Variants in CACNA1B observed in about 807,000 individuals in gnomAD.
The protein encoded by CACNA1B is calcium voltage-gated channel subunit alpha1 B.
Under a neutral mutation model 247.2 loss-of-function variants are expected in CACNA1B, and 70 were observed. The observed-to-expected ratio is 0.28, with a 90% CI of 0.23 to 0.35. CACNA1B has a LOEUF of 0.35. Ranked by LOEUF, CACNA1B falls within the 10% of genes least tolerant of loss-of-function variation. The probability of loss-of-function intolerance (pLI) is 1.00; values close to 1 mark genes in which losing one functional copy is unlikely to be tolerated. For synonymous variants in CACNA1B, 1,231 were observed against 1,294.4 expected, an observed-to-expected ratio of 0.95 and a Z score of 1.05; for missense variants, 2,367 against 3,197.4, an observed-to-expected ratio of 0.74 and a Z score of 6.26.
rs769748260 is a variant in CACNA1B at position 138,120,294 on chromosome 9, C to T, written c.6160C>T (p.His2054Tyr). ...PSQASSHHHH[H>Y]RCHRRRDRKQ... ...CCAGGCGTCGTCGCACCACCACCACCACCGCTGCCACCGCCGCAGGGACAG... is the reference window on the plus strand; with the variant it reads ...CCAGGCGTCGTCGCACCACCACCACTACCGCTGCCACCGCCGCAGGGACAG... The change falls in exon 45 of 47, where the codon CAC (histidine) becomes TAC (tyrosine). Residue 2054 changes from histidine to tyrosine, a missense_variant. Coordinates refer to ENST00000371372, the MANE Select transcript of CACNA1B (RefSeq NM_000718.4). 14 of 1,562,724 alleles carry T rather than the reference C, an allele frequency of 9.0e-6. No homozygotes were observed. Among genetic ancestry groups the T allele is most frequent in the Non-Finnish European group, 1.1e-5 (13 of 1,156,360 alleles).
Position 137,971,831 on chromosome 9 carries a change from A to AC in CACNA1B, c.1543+243dup, listed in dbSNP as rs1271219875. Among the ~76,000 whole-genome samples the AC allele has an allele frequency of 6.6e-6, 1 of 151,828 alleles. No homozygotes were observed. The highest frequency in any genetic ancestry group is 1.5e-5 in the Non-Finnish European group (1 of 67,934). ...CAGAAAGCACAGCTGGATCTGCTAG[A>AC]CCCCTGTCCCTCAGCATAGTGTGAG... On this transcript the variant is annotated intron_variant, in intron 11 of 46. Transcript: ENST00000371372. The surrounding 1 kb of genome is among the most constrained non-coding windows in gnomAD (Gnocchi z 4.4).
At chr9:137,968,095 A>G (rs1958102421) in intron 10 of CACNA1B, among the ~76,000 whole-genome samples, 1 of 151,890 alleles carries the variant, frequency 6.6e-6, no homozygotes, top group African/African-American at 2.4e-5. Flanking sequence ...GTGTTGCTAT[A>G]CTTGGATCTC....
At chr9:137,995,122 C>T (rs1396741018) in intron 15 of CACNA1B, among the ~76,000 whole-genome samples, 4 of 151,228 alleles carry the variant, frequency 2.6e-5, no homozygotes. Context: ...GCAGAAGAAT[C>T]ACTTAAACTC....
intron 39 of CACNA1B, among the ~76,000 whole-genome samples, chr9:138,108,379 G>A (rs1297400722): frequency 6.6e-6 from 1 of 150,976 alleles, no homozygotes; most frequent in Admixed American, 6.6e-5. Flanking sequence ...AGTTTAGAGT[G>A]GAAAAACCTT....
Position 137,892,407 on chromosome 9 carries a change from C to T in CACNA1B, c.530+9524C>T, listed in dbSNP as rs1398550378. On this transcript the variant is annotated intron_variant, in intron 3 of 46. Transcript: ENST00000371372. ...GATGCAGGGCCAGGCCTGCGGGGTC[C>T]ACTGTGGCCATGTGGCTGTTGCTGG... 14 of 452,958 alleles carry T rather than the reference C, an allele frequency of 3.1e-5. No homozygotes were observed. The Admixed American group carries it at 3.3e-4, about 11-fold the overall frequency. 28.1% of individuals were successfully genotyped at this position (452,958 alleles called of 1,614,324 possible). A position where few individuals can be genotyped will look rare whatever the true frequency, so the allele number is the denominator to read the frequency against.
At chr9:138,049,094 G>A in intron 23 of CACNA1B, 115 bp from the exon 24 acceptor site, 1 of 738,220 alleles carries the variant, frequency 1.4e-6, no homozygotes, top group Non-Finnish European at 2.5e-6. Context: ...GGCTTAAGCA[G>A]TCTGCCTGCC....
chr9:138,023,105 T>C lies in CACNA1B; in HGVS notation c.2362T>C (p.Tyr788His). The part of the protein sequence containing the change: ...QNLRASCEAL[Y>H]SEMDPEERLR... ...CCTGCGGGCCAGCTGCGAGGCGCTG[T>C]ACAGCGAGATGGACCCCGAGGAGCG... Residue 788 changes from tyrosine to histidine, a missense_variant, in exon 19 of 47, where the codon TAC (tyrosine) becomes CAC (histidine). Tyr to His is a moderately conservative substitution (Grantham distance 83). Transcript: ENST00000371372. 1 of 1,534,330 alleles carries C rather than the reference T, an allele frequency of 6.5e-7. No individual in the cohort carries two copies. Among genetic ancestry groups the C allele is most frequent in the African/African-American group, 1.4e-5 (1 of 71,614 alleles).
At chr9:137,935,591 T>C (rs1957656703) in intron 6 of CACNA1B, among the ~76,000 whole-genome samples, 1 of 152,234 alleles carries the variant, frequency 6.6e-6, no homozygotes, top group South Asian at 2.1e-4. Context: ...TATAGTAGCA[T>C]GATTTATAAT....
At chr9:138,043,921 G>T in intron 21 of CACNA1B, 21 bp downstream of exon 21, 1 of 1,609,600 alleles carries the variant, frequency 6.2e-7, no homozygotes, top group South Asian at 1.1e-5. Context: ...TTGCCTGCTG[G>T]TGTGTGTGGC....
At position 137,967,247 on chromosome 9, in the gene CACNA1B, A is replaced by G. The variant is rs116548184; in HGVS notation, c.1334-4136A>G. 6.8e-3 allele frequency among the ~76,000 whole-genome samples: 1,031 copies of G among 152,188 alleles called. 15 individuals are homozygous for G. Among genetic ancestry groups the G allele is most frequent in the African/African-American group, 0.024 (990 of 41,534 alleles). ...TTTAGCATCTTTAGTACCAAGATGT[A>G]CTAGTTCCATCACTCAATTGGTCTA... On this transcript the variant is annotated intron_variant, in intron 10 of 46. Transcript: ENST00000371372.
In CACNA1B at chr9:137,892,302, TCTC is replaced by T. The variant is rs577306623; in HGVS notation, c.530+9425_530+9427del. On this transcript the variant is annotated intron_variant, in intron 3 of 46. Coordinates refer to ENST00000371372, the MANE Select transcript of CACNA1B (RefSeq NM_000718.4). ...GGCAGGATTGGTTTCTGGCGAGGCC[TCTC>T]CTCCTGGCTGGCAGATGACTGCCTT... is the stretch of plus-strand genomic sequence containing the variant. 5.3e-4 allele frequency: 240 copies of T among 456,742 alleles called. 1 individual carries two copies. Among genetic ancestry groups the T allele is most frequent in the African/African-American group, 4.1e-3 (206 of 50,212 alleles). 28.3% of individuals were successfully genotyped at this position (456,742 alleles called of 1,614,324 possible).
intron 3 of CACNA1B, chr9:137,892,162 A>T (rs1276318921): frequency 2.2e-6 from 1 of 456,692 alleles, no homozygotes; most frequent in Non-Finnish European, 4.4e-6. Flanking sequence ...CATTCCCTTG[A>T]ACGACTGGAC....
rs1296533692 is a variant in CACNA1B, at chr9:138,025,008, A to G, written c.3122A>G (p.His1041Arg). The G allele has an allele frequency of 6.3e-7, 1 of 1,599,918 alleles. No individual in the cohort carries two copies. The highest frequency in any genetic ancestry group is 1.1e-5 in the South Asian group (1 of 88,398). ...GGGACTGTGACTGTGGGTCCCATGC[A>G]CACACTGCCCAGCACCTGTCTCCAG... ...TSGTVTVGPM[H>R]TLPSTCLQKV... Residue 1041 changes from histidine to arginine, a missense_variant, in exon 20 of 47, where the codon CAC becomes CGC. Physicochemically the swap from His to Arg is conservative, Grantham distance 29 (BLOSUM62 0). Coordinates refer to ENST00000371372, the MANE Select transcript of CACNA1B (RefSeq NM_000718.4).
intron 34 of CACNA1B, among the ~76,000 whole-genome samples, chr9:138,074,459 T>C (rs916709530): frequency 6.6e-6 from 1 of 152,260 alleles, no homozygotes; most frequent in Non-Finnish European, 1.5e-5. Context: ...CAGGCTGGTA[T>C]TGAACTCCTG....
chr9:137,948,959 A>C (rs1221934194), intron 6 of CACNA1B, among the ~76,000 whole-genome samples: 1 of 121,134 alleles, frequency 8.3e-6, no homozygotes, highest in Non-Finnish European at 1.7e-5. Context: ...TGTGGCATGC[A>C]TGTGTATGGT....
chr9:137,948,211 C>T (rs981194124), intron 6 of CACNA1B, among the ~76,000 whole-genome samples: 2 of 152,124 alleles, frequency 1.3e-5, no homozygotes, highest in African/African-American at 4.8e-5. Context: ...GCACTCCTGA[C>T]CTCAGGTGAT....
At position 138,078,277 on chromosome 9, in the gene CACNA1B, G is replaced by C; in HGVS notation, c.5094+19G>C. The C allele has an allele frequency of 6.2e-7, 1 of 1,612,358 alleles. No homozygotes were observed. Among genetic ancestry groups the C allele is most frequent in the Non-Finnish European group, 8.5e-7 (1 of 1,178,660 alleles). Reference sequence around the variant, plus strand: ...CTTTCTGGTGAGTCCTGGGCACTGTGCCCCTCCCAGTGCCACGTCTTGTCT... The same window carrying C: ...CTTTCTGGTGAGTCCTGGGCACTGTCCCCCTCCCAGTGCCACGTCTTGTCT... On this transcript the variant is annotated intron_variant, in intron 36 of 46. Transcript: ENST00000371372.
intron 6 of CACNA1B, among the ~76,000 whole-genome samples, chr9:137,935,870 CA>C (rs1206943620): frequency 6.6e-6 from 1 of 151,670 alleles, no homozygotes; most frequent in Non-Finnish European, 1.5e-5. Context: ...GGCCGGAGTG[CA>C]GTGGCACGAT....
At chr9:137,924,303 T>G (rs558964767) in intron 6 of CACNA1B, among the ~76,000 whole-genome samples, 15 of 151,692 alleles carry the variant, frequency 9.9e-5, no homozygotes, top group South Asian at 4.2e-4. Flanking sequence ...CTGCCTGCCT[T>G]CCTTCCTTCC....
Sources: gnomAD v4.1 joint callset for allele counts (sites outside exome capture counted in the v4.1 genomes callset) on GRCh38, gnomAD v4.1.1 for gene constraint, Gnocchi (gnomAD v3.1) non-coding constraint, MANE v1.5 for transcripts, NCBI Gene and HGNC (gene_info 2026-07-23, HGNC 2026-07-21) for gene names.